The following NAV3 variants were observed in gnomAD, a reference collection of about 807,000 sequenced individuals.
NAV3 encodes the protein neuron navigator 3.
In NAV3, 87 loss-of-function variants were observed where a neutral mutation model predicts 244.7. That is an observed-to-expected ratio of 0.36 (90% CI 0.30 to 0.42). The LOEUF is 0.42. Among genes scored for constraint, NAV3 ranks in the 20% least tolerant of loss-of-function variants. NAV3 has a pLI of 1.00. For missense variants in NAV3, 2,663 were observed against 2,893.3 expected (o/e 0.92, Z 1.83); for synonymous variants, 1,126 against 1,042.2 (o/e 1.08, Z -1.55).
chr12:77,908,846 T>A (rs1428349585), intron 1 of NAV3, among the ~76,000 whole-genome samples: 2 of 152,104 alleles, frequency 1.3e-5, no homozygotes, highest in Non-Finnish European at 2.9e-5. Context: ...TGAAAATAGA[T>A]TGTATAGTTT....
chr12:78,012,731 A>T (rs554353975), intron 8 of NAV3, among the ~76,000 whole-genome samples: 1 of 152,228 alleles, frequency 6.6e-6, no homozygotes, highest in Non-Finnish European at 1.5e-5. Flanking sequence ...GGGAATATAT[A>T]TTATGCGCCT....
intron 39 of NAV3, among the ~76,000 whole-genome samples, chr12:78,208,327 C>G (rs1312572638): frequency 6.6e-6 from 1 of 152,148 alleles, no homozygotes. Context: ...AATCCACCCC[C>G]ATGATTCAAC....
At chr12:77,844,690 T>C (rs1312439023) in intron 1 of NAV3, among the ~76,000 whole-genome samples, 1 of 152,212 alleles carries the variant, frequency 6.6e-6, no homozygotes, top group Non-Finnish European at 1.5e-5. Flanking sequence ...TATTTTTTCG[T>C]TGGGCAGAAA....
At chr12:77,782,431 T>C (rs1870712119) in intron 2 of NAV3, among the ~76,000 whole-genome samples, 1 of 152,104 alleles carries the variant, frequency 6.6e-6, no homozygotes, top group African/African-American at 2.4e-5. Context: ...ATAATAACCA[T>C]GATCACATTA....
At chr12:78,154,303 A>ATATAG (rs1269198303) in intron 22 of NAV3, among the ~76,000 whole-genome samples, 1 of 140,500 alleles carries the variant, frequency 7.1e-6, no homozygotes, top group Non-Finnish European at 1.5e-5. Context: ...ATATTACTAT[A>ATATAG]TAATATATAG....
At chr12:78,109,617 A>G (rs368829121) in intron 12 of NAV3, among the ~76,000 whole-genome samples, 1 of 152,036 alleles carries the variant, frequency 6.6e-6, no homozygotes, top group South Asian at 2.1e-4. Flanking sequence ...GAGGGTTTGT[A>G]TCAAGGATAC....
chr12:78,179,273 T>G (rs1159035456), intron 28 of NAV3: 1 of 333,422 alleles, frequency 3.0e-6, no homozygotes, highest in Non-Finnish European at 5.4e-6. Context: ...AGGATTACTT[T>G]ATATTCAGTA....
At chr12:78,204,294 A>G (rs867506332) in intron 38 of NAV3, among the ~76,000 whole-genome samples, 1 of 152,126 alleles carries the variant, frequency 6.6e-6, no homozygotes, top group Middle Eastern at 3.2e-3. Flanking sequence ...AACATGGCAC[A>G]TGTATACATA....
At chr12:77,878,368 G>A (rs1244811270) in intron 1 of NAV3, among the ~76,000 whole-genome samples, 2 of 151,954 alleles carry the variant, frequency 1.3e-5, no homozygotes, top group Admixed American at 1.3e-4. Context: ...TAGGATTACA[G>A]GCATGTGCCA....
intron 1 of NAV3, among the ~76,000 whole-genome samples, chr12:77,862,149 T>A (rs980391449): frequency 4.1e-5 from 6 of 145,602 alleles, no homozygotes; most frequent in Admixed American, 2.1e-4. Context: ...TTAAAATGAA[T>A]TTTTTTTTTT....
At chr12:77,937,364 G>A (rs548784771) in intron 1 of NAV3, among the ~76,000 whole-genome samples, 1 of 152,214 alleles carries the variant, frequency 6.6e-6, no homozygotes, top group African/African-American at 2.4e-5. Flanking sequence ...AAGCCAACTA[G>A]CTGGCCTCCC....
intron 2 of NAV3, among the ~76,000 whole-genome samples, chr12:77,732,962 C>T (rs1877188519): frequency 6.6e-6 from 1 of 152,018 alleles, no homozygotes; most frequent in Admixed American, 6.6e-5. Context: ...ATAAGAGAAA[C>T]TGGTTCATGA....
chr12:77,625,952 A>T (rs1871601208), intron 2 of NAV3, among the ~76,000 whole-genome samples: 2 of 152,356 alleles, frequency 1.3e-5, no homozygotes, highest in African/African-American at 4.8e-5. Flanking sequence ...GTAAACACAC[A>T]CAAAAATCTA....
At chr12:77,809,205 G>A (rs1394113825) in intron 2 of NAV3, among the ~76,000 whole-genome samples, 1 of 152,190 alleles carries the variant, frequency 6.6e-6, no homozygotes, top group Non-Finnish European at 1.5e-5. Context: ...TGGCTTTCCA[G>A]GTGTCACTGG....
At chr12:77,777,937 C>CT (rs1321951704) in intron 2 of NAV3, among the ~76,000 whole-genome samples, 1 of 151,992 alleles carries the variant, frequency 6.6e-6, no homozygotes, top group Non-Finnish European at 1.5e-5. Context: ...TCCCAAGTAA[C>CT]TGGGACTACA....
At chr12:77,760,616 G>A (rs1565802570) in intron 2 of NAV3, among the ~76,000 whole-genome samples, 1 of 152,156 alleles carries the variant, frequency 6.6e-6, no homozygotes, top group Admixed American at 6.5e-5. Context: ...CTCCATTTTG[G>A]ATGAAATTCT....
chr12:77,806,581 T>C (rs1005088132), intron 2 of NAV3, among the ~76,000 whole-genome samples: 1 of 152,184 alleles, frequency 6.6e-6, no homozygotes, highest in African/African-American at 2.4e-5. Context: ...GTGTTTTACT[T>C]CCCATTATGT....
intron 1 of NAV3, among the ~76,000 whole-genome samples, chr12:77,913,702 T>C (rs1886847098): frequency 1.3e-5 from 2 of 152,244 alleles, no homozygotes; most frequent in South Asian, 4.1e-4. Context: ...GTTGAGAGGC[T>C]GGAAGCAAAA....
chr12:77,841,075 GT>G, intron 1 of NAV3, among the ~76,000 whole-genome samples: 1 of 152,176 alleles, frequency 6.6e-6, no homozygotes, highest in East Asian at 1.9e-4. Context: ...TAGTTACTGG[GT>G]CCAATACAGA....
Sources: gnomAD v4.1 joint callset for allele counts (sites outside exome capture counted in the v4.1 genomes callset) on GRCh38, gnomAD v4.1.1 for gene constraint, MANE v1.5 for transcripts, NCBI Gene and HGNC (gene_info 2026-07-23, HGNC 2026-07-21) for gene names.